Variants in AMZ1 observed in about 807,000 individuals in gnomAD.
The protein encoded by AMZ1 is archaemetzincin-1.
AMZ1 carries 39 observed loss-of-function variants against 29.9 expected under a neutral mutation model. The observed-to-expected ratio is 1.30, with a 90% CI of 1.01 to 1.70. The LOEUF is 1.70. Among genes scored for constraint, AMZ1 ranks in the 40% most tolerant of loss-of-function variants. The pLI, the probability that AMZ1 is intolerant of heterozygous loss-of-function variation, is 0.00. For synonymous variants in AMZ1, 458 were observed against 304.0 expected (o/e 1.51, Z -5.27); for missense variants, 1,041 against 680.6 (o/e 1.53, Z -5.89).
At chr7:2,753,309 A>C (rs1314896619) in intron 4 of AMZ1, among the ~76,000 whole-genome samples, 1 of 152,148 alleles carries the variant, frequency 6.6e-6, no homozygotes, top group Non-Finnish European at 1.5e-5. Flanking sequence ...GCATGCCACC[A>C]CGATTGGCTA....
intron 1 of AMZ1, among the ~76,000 whole-genome samples, chr7:2,696,381 C>A (rs1489146797): frequency 3.3e-5 from 5 of 150,950 alleles, no homozygotes; most frequent in African/African-American, 7.3e-5. Context: ...CTCAGCCTCC[C>A]AAGTAGCTGG....
At chr7:2,746,019 G>C (rs548615261) in intron 4 of AMZ1, among the ~76,000 whole-genome samples, 1 of 152,110 alleles carries the variant, frequency 6.6e-6, no homozygotes, top group Non-Finnish European at 1.5e-5. Context: ...GATTCATAAA[G>C]CAAGTCCTGA....
chr7:2,714,215 C>A lies in AMZ1; in HGVS notation c.*1337C>A, dbSNP rs907755570. On this transcript the variant is annotated 3_prime_UTR_variant, in exon 7 of 7. Coordinates refer to ENST00000683327, the MANE Select transcript of AMZ1 (RefSeq NM_001384743.1). ...TCGCGCACCCTCATCTGGAGAGAGG[C>A]AAGAACAGGGCAGCTTGGACCTTTT... The A allele has an allele frequency of 6.6e-6, 1 of 152,306 alleles. No homozygotes were observed. The highest frequency in any genetic ancestry group is 1.5e-5 in the Non-Finnish European group (1 of 68,064). 9.4% of individuals were successfully genotyped at this position (152,306 alleles called of 1,614,324 possible).
In AMZ1 at chr7:2,697,068, C is replaced by A. The variant is rs76308098; in HGVS notation, c.-218-3166C>A. Among the ~76,000 whole-genome samples the A allele has an allele frequency of 5.3e-3, 807 of 152,196 alleles. 13 individuals are homozygous for A. Among genetic ancestry groups the A allele is most frequent in the African/African-American group, 0.019 (780 of 41,502 alleles). On this transcript the variant is annotated intron_variant, in intron 1 of 6. Transcript: ENST00000683327. Reference sequence around the variant, plus strand: ...GACTTATGTACAAAGATGTTCATTACGGCGTTTTTGGGCAGTGGTTGAAAG... The same window carrying A: ...GACTTATGTACAAAGATGTTCATTAAGGCGTTTTTGGGCAGTGGTTGAAAG...
chr7:2,681,495 G>A (rs1209165740), intron 1 of AMZ1, among the ~76,000 whole-genome samples: 1 of 152,086 alleles, frequency 6.6e-6, no homozygotes, highest in Non-Finnish European at 1.5e-5. Context: ...TCCAGGGCTC[G>A]AGAGATCCAT....
chr7:2,762,750 G>A, upstream of AMZ1: 8 of 1,552,692 alleles, frequency 5.2e-6, no homozygotes, highest in Middle Eastern at 3.3e-4. Context: ...CGCAGGAAGT[G>A]CACCAGGCCC....
At chr7:2,756,876 T>A (rs1438860346) in intron 4 of AMZ1, among the ~76,000 whole-genome samples, 5 of 151,810 alleles carry the variant, frequency 3.3e-5, no homozygotes, top group Admixed American at 6.6e-5. Flanking sequence ...CCATTTGAGG[T>A]TGGTCTGGGT....
At chr7:2,710,511 T>TGG (rs1562374133) in intron 6 of AMZ1, among the ~76,000 whole-genome samples, 2 of 152,078 alleles carry the variant, frequency 1.3e-5, no homozygotes, top group African/African-American at 4.8e-5. Context: ...TTGAGGCAAG[T>TGG]GGGGGTGTGG....
At chr7:2,708,557 C>T (rs2115157194) in intron 3 of AMZ1, 31 bp from the exon 4 acceptor site, 1 of 1,610,264 alleles carries the variant, frequency 6.2e-7, no homozygotes, top group African/African-American at 1.3e-5. Context: ...CGGCTGCCTC[C>T]TGACCCCATC....
chr7:2,683,683 C>CT (rs1491588477), upstream of AMZ1, among the ~76,000 whole-genome samples: 2 of 152,140 alleles, frequency 1.3e-5, no homozygotes, highest in Non-Finnish European at 2.9e-5. Flanking sequence ...CGTGATCCGC[C>CT]TGCCTTGGCC....
At position 2,709,589 on chromosome 7, in the gene AMZ1, G is replaced by A. The variant is rs183977842; in HGVS notation, c.772-51G>A. On this transcript the variant is annotated intron_variant, in intron 5 of 6. Coordinates refer to ENST00000683327, the MANE Select transcript of AMZ1 (RefSeq NM_001384743.1). ...TGCTGGGGCTGCCTGGGGATCTGCC[G>A]GATGCAGGGGCAAGGCAGTGAGGCA... is the stretch of plus-strand genomic sequence containing the variant. 276 of 1,575,506 alleles carry A rather than the reference G, an allele frequency of 1.8e-4. 1 individual carries two copies. The highest frequency in any genetic ancestry group is 1.4e-3 in the African/African-American group (105 of 73,884).
At position 2,708,256 on chromosome 7, in the gene AMZ1, C is replaced by T. The variant is rs890292382; in HGVS notation, c.473-332C>T. The stretch of plus-strand genomic sequence containing the variant: ...AGGTCCCAGGGCTGAGACGTGGACT[C>T]TCTGGGGCTGTCGCTCAGCTGCTGA... On this transcript the variant is annotated intron_variant, in intron 3 of 6. Coordinates refer to ENST00000683327, the MANE Select transcript of AMZ1 (RefSeq NM_001384743.1). Among the ~76,000 whole-genome samples the T allele has an allele frequency of 2.6e-5, 4 of 152,182 alleles. No individual in the cohort carries two copies. In the East Asian group the frequency reaches 5.8e-4, roughly 22 times the overall value.
chr7:2,712,054 T>TAAAAAA (rs111421090), intron 6 of AMZ1, among the ~76,000 whole-genome samples: 73,089 of 151,408 alleles, frequency 0.48, 18,564 homozygotes, highest in African/African-American at 0.65. Flanking sequence ...CTTAAAAAAA[T>TAAAAAA]CGAAAAATGT....
chr7:2,728,429 C>T (rs575565968), intron 4 of AMZ1: 3 of 152,170 alleles, frequency 2.0e-5, no homozygotes, highest in African/African-American at 7.3e-5. Context: ...CTAGAGATCT[C>T]TATAAATTAC....
At chr7:2,741,340 G>A (rs934696313) in intron 4 of AMZ1, among the ~76,000 whole-genome samples, 1 of 152,156 alleles carries the variant, frequency 6.6e-6, no homozygotes, top group Non-Finnish European at 1.5e-5. Context: ...GGGCAACAGA[G>A]TGAGACACTG....
At chr7:2,723,601 G>A (rs947116577), downstream of AMZ1, among the ~76,000 whole-genome samples, 8 of 152,196 alleles carry the variant, frequency 5.3e-5, no homozygotes, top group African/African-American at 1.4e-4. Flanking sequence ...AGGGGTTCAC[G>A]CTGCTGGCCA....
rs577818544 is a variant in AMZ1 at position 2,727,406 on chromosome 7, C to G, written n.550+17590C>G. 2.0e-5 allele frequency among the ~76,000 whole-genome samples: 3 copies of G among 152,176 alleles called. No individual in the cohort carries two copies. The East Asian group carries it at 5.8e-4, about 29-fold the overall frequency. On this transcript the variant is annotated intron_variant and non_coding_transcript_variant, in intron 4 of 4. Transcript: ENST00000489665. ...TCTTCATTTATTTTTAAGATGGGGT[C>G]TTTGCTCTTGCCCAGGGTGGAGTGC...
intron 1 of AMZ1, among the ~76,000 whole-genome samples, chr7:2,696,458 C>CT (rs1562361097): frequency 2.0e-5 from 3 of 150,360 alleles, no homozygotes; most frequent in African/African-American, 7.3e-5. Flanking sequence ...GGGGTTTCAC[C>CT]ATGTTAGCCA....
intron 1 of AMZ1, among the ~76,000 whole-genome samples, chr7:2,688,823 T>C (rs988938795): frequency 5.9e-5 from 9 of 152,130 alleles, no homozygotes; most frequent in African/African-American, 2.2e-4. Context: ...GAGAAGGCTG[T>C]GGATATGATC....
Sources: allele counts gnomAD v4.1 joint callset (sites outside exome capture counted in the v4.1 genomes callset), GRCh38; gene constraint gnomAD v4.1.1; transcripts MANE v1.5; gene names NCBI Gene and HGNC (gene_info 2026-07-23, HGNC 2026-07-21).